Variants in LRFN2 observed in about 807,000 individuals in gnomAD.
LRFN2 encodes the protein leucine rich repeat and fibronectin type III domain containing 2.
A neutral mutation model predicts 37.3 loss-of-function variants in LRFN2; 18 were observed. That is an observed-to-expected ratio of 0.48 (90% CI 0.33 to 0.72). LRFN2 has a LOEUF of 0.72. Among genes scored for constraint, LRFN2 ranks in the 30% least tolerant of loss-of-function variants. The pLI, the probability that LRFN2 is intolerant of heterozygous loss-of-function variation, is 0.02. For synonymous variants in LRFN2, 556 were observed against 466.6 expected, an observed-to-expected ratio of 1.19 and a Z score of -2.47; for missense variants, 1,006 against 1,060.7, an observed-to-expected ratio of 0.95 and a Z score of 0.72.
intron 1 of LRFN2, among the ~76,000 whole-genome samples, chr6:40,515,405 C>T (rs1350530598): frequency 1.3e-5 from 2 of 152,198 alleles, no homozygotes; most frequent in East Asian, 3.9e-4. Flanking sequence ...AAAGCGTGAG[C>T]TTGAGGGTCA....
At chr6:40,534,533 G>A in intron 1 of LRFN2, among the ~76,000 whole-genome samples, 1 of 152,068 alleles carries the variant, frequency 6.6e-6, no homozygotes, top group Non-Finnish European at 1.5e-5. Flanking sequence ...CAGCTCTATG[G>A]CCCTGGACAA....
intron 2 of LRFN2, among the ~76,000 whole-genome samples, chr6:40,413,187 A>G (rs1266052265): frequency 6.6e-6 from 1 of 152,182 alleles, no homozygotes; most frequent in East Asian, 1.9e-4. Context: ...TCATACTCTG[A>G]TATTTCATGG....
At chr6:40,505,775 C>T (rs1765515564) in intron 1 of LRFN2, among the ~76,000 whole-genome samples, 1 of 152,224 alleles carries the variant, frequency 6.6e-6, no homozygotes, top group Non-Finnish European at 1.5e-5. Context: ...CCCCCCATGT[C>T]TTAAGATCAT....
chr6:40,418,690 C>T (rs887975089), intron 2 of LRFN2, among the ~76,000 whole-genome samples: 9 of 152,182 alleles, frequency 5.9e-5, no homozygotes, highest in Admixed American at 5.9e-4. Flanking sequence ...TGCCTCCAAG[C>T]TGTGAGACCT....
intron 1 of LRFN2, among the ~76,000 whole-genome samples, chr6:40,539,212 C>G (rs563385386): frequency 6.6e-6 from 1 of 152,168 alleles, no homozygotes; most frequent in African/African-American, 2.4e-5. Flanking sequence ...AGCTGTTAGC[C>G]ACGGATATCT....
chr6:40,476,858 C>A (rs1764718945), intron 1 of LRFN2, among the ~76,000 whole-genome samples: 1 of 152,222 alleles, frequency 6.6e-6, no homozygotes, highest in Non-Finnish European at 1.5e-5. Flanking sequence ...CCCAGTCCGG[C>A]TCACACTCAC....
In LRFN2 at chr6:40,403,501, T is replaced by C. The variant is rs530690667; in HGVS notation, c.1401-10589A>G. 2.4e-3 allele frequency among the ~76,000 whole-genome samples: 372 copies of C among 152,318 alleles called. 1 individual carries two copies. Among genetic ancestry groups the C allele is most frequent in the Middle Eastern group, 6.8e-3 (2 of 294 alleles). On this transcript the variant is annotated intron_variant, in intron 2 of 2. Transcript: ENST00000338305. The stretch of plus-strand genomic sequence containing the variant: ...CCTGAGAATATGGAGCTTCCACAAA[T>C]GCCCTGAGGCACCCCTGCCTTACTG...
At chr6:40,497,170 G>A (rs568026152) in intron 1 of LRFN2, among the ~76,000 whole-genome samples, 22 of 152,232 alleles carry the variant, frequency 1.4e-4, no homozygotes, top group African/African-American at 4.6e-4. Context: ...TCCTAAGTCC[G>A]TTTGCCTTCT....
intron 1 of LRFN2, among the ~76,000 whole-genome samples, chr6:40,516,102 T>C (rs1190155382): frequency 6.6e-6 from 1 of 151,980 alleles, no homozygotes; most frequent in Non-Finnish European, 1.5e-5. Context: ...CCATTTGTGT[T>C]TTCTGGGCCC....
At chr6:40,565,589 C>A (rs559524769) in intron 1 of LRFN2, among the ~76,000 whole-genome samples, 10 of 152,178 alleles carry the variant, frequency 6.6e-5, no homozygotes, top group Non-Finnish European at 1.3e-4. Context: ...CACCTATCTA[C>A]AACCATCTGA....
At chr6:40,429,045 A>C (rs1763417820) in intron 2 of LRFN2, among the ~76,000 whole-genome samples, 1 of 152,080 alleles carries the variant, frequency 6.6e-6, no homozygotes, top group Non-Finnish European at 1.5e-5. Flanking sequence ...ATGTGCTCCC[A>C]CTATTTGGAG....
At chr6:40,425,452 A>G (rs1763330386) in intron 2 of LRFN2, among the ~76,000 whole-genome samples, 1 of 152,200 alleles carries the variant, frequency 6.6e-6, no homozygotes, top group Non-Finnish European at 1.5e-5. Context: ...AATGACATGC[A>G]GGGCATTTAA....
intron 1 of LRFN2, among the ~76,000 whole-genome samples, chr6:40,438,139 C>T (rs2113831548): frequency 6.6e-6 from 1 of 152,252 alleles, no homozygotes; most frequent in Middle Eastern, 3.4e-3. Flanking sequence ...TGAGTCTGCA[C>T]TGGGGTAAGG....
rs550107915 is a variant in LRFN2, at chr6:40,569,857, C to G, written c.-19+17084G>C. On this transcript the variant is annotated intron_variant, in intron 1 of 2. Coordinates refer to ENST00000338305, the MANE Select transcript of LRFN2 (RefSeq NM_020737.3). ...CAACTTCCCCACCAAGACTAAGCTC[C>G]TCTGCATAGCATGCAGGGCCGTCTC... 3.9e-5 allele frequency among the ~76,000 whole-genome samples: 6 copies of G among 152,268 alleles called. No homozygotes were observed. In the East Asian group the frequency reaches 1.2e-3, roughly 29 times the overall value.
At chr6:40,581,851 A>G (rs2113800801) in intron 1 of LRFN2, among the ~76,000 whole-genome samples, 1 of 152,196 alleles carries the variant, frequency 6.6e-6, no homozygotes, top group Non-Finnish European at 1.5e-5. Flanking sequence ...TGTTTTGGGG[A>G]CCAGAGAGAG....
At chr6:40,544,584 T>C (rs1581787801) in intron 1 of LRFN2, among the ~76,000 whole-genome samples, 2 of 152,182 alleles carry the variant, frequency 1.3e-5, no homozygotes, top group Admixed American at 1.3e-4. Flanking sequence ...CTGTCTGATC[T>C]GGAAAGGTCT....
chr6:40,507,342 T>C (rs1765572135), intron 1 of LRFN2, among the ~76,000 whole-genome samples: 1 of 152,248 alleles, frequency 6.6e-6, no homozygotes. Flanking sequence ...GATGGGGTTT[T>C]GATTACCACT....
rs1441227276 is a variant in LRFN2, at chr6:40,520,811, C to T, written c.-19+66130G>A. On this transcript the variant is annotated intron_variant, in intron 1 of 2. Coordinates refer to ENST00000338305, the MANE Select transcript of LRFN2 (RefSeq NM_020737.3). ...CCCTTCGTGGTCTCCATGGCAGATGCTTGGCCGTGAATGTAGCTGGGGAGG... is the reference window on the plus strand; with the variant it reads ...CCCTTCGTGGTCTCCATGGCAGATGTTTGGCCGTGAATGTAGCTGGGGAGG... Among the ~76,000 whole-genome samples the T allele has an allele frequency of 9.8e-5, 15 of 152,286 alleles. 1 individual carries two copies. The South Asian group carries it at 2.9e-3, about 29-fold the overall frequency.
intron 1 of LRFN2, among the ~76,000 whole-genome samples, chr6:40,445,322 A>G (rs1763944941): frequency 6.6e-6 from 1 of 152,186 alleles, no homozygotes; most frequent in African/African-American, 2.4e-5. Flanking sequence ...TTGTTCAATA[A>G]CTTATGACAA....
Sources: gnomAD v4.1 joint callset for allele counts (sites outside exome capture counted in the v4.1 genomes callset) on GRCh38, gnomAD v4.1.1 for gene constraint, MANE v1.5 for transcripts, NCBI Gene and HGNC (gene_info 2026-07-23, HGNC 2026-07-21) for gene names.